ULK4: variants seen among roughly 807,000 people sequenced by gnomAD.
The protein encoded by ULK4 is inactive serine/threonine-protein kinase ULK4.
ULK4 carries 133 observed loss-of-function variants against 160.6 expected under a neutral mutation model. That is an observed-to-expected ratio of 0.83 (90% CI 0.72 to 0.96). ULK4 has a LOEUF of 0.96. Ranked by LOEUF, ULK4 falls within the 40% of genes least tolerant of loss-of-function variation. ULK4 has a pLI of 0.00. For missense variants in ULK4, 1,580 were observed against 1,499.5 expected (o/e 1.05, Z -0.89); for synonymous variants, 534 against 539.8 (o/e 0.99, Z 0.15).
intron 32 of ULK4, among the ~76,000 whole-genome samples, chr3:41,523,727 T>C (rs1328160481): frequency 2.0e-5 from 3 of 152,120 alleles, no homozygotes; most frequent in Non-Finnish European, 2.9e-5. Flanking sequence ...TGGCAGTTCT[T>C]CAAAAAAATT....
intron 33 of ULK4, among the ~76,000 whole-genome samples, chr3:41,459,788 G>T (rs2083640993): frequency 6.6e-6 from 1 of 152,132 alleles, no homozygotes; most frequent in Non-Finnish European, 1.5e-5. Context: ...TTACAAGATG[G>T]CAGTGCAACT....
intron 21 of ULK4, among the ~76,000 whole-genome samples, chr3:41,757,629 CAA>C (rs1197436719): frequency 4.7e-3 from 298 of 63,634 alleles, no homozygotes; most frequent in African/African-American, 0.015. Flanking sequence ...GAGACTCTCT[CAA>C]AAAAAAAAAA....
Position 41,376,911 on chromosome 3 carries a change from C to T in ULK4, c.3678+21168G>A, listed in dbSNP as rs529575646. ...TATGGAACCAAAAAAGAGCCCGCAT[C>T]GCCAAGTCAATCCTAAGCCAAAAGA... On this transcript the variant is annotated intron_variant, in intron 35 of 36. Coordinates refer to ENST00000301831, the MANE Select transcript of ULK4 (RefSeq NM_017886.4). Among the ~76,000 whole-genome samples the T allele has an allele frequency of 9.9e-4, 142 of 143,050 alleles. 8 individuals are homozygous for T. The highest frequency in any genetic ancestry group is 3.3e-3 in the African/African-American group (117 of 35,822). The allele number at this position is 143,050 out of a possible 152,430, so 93.8% of individuals were successfully genotyped here.
At chr3:41,682,743 C>T (rs981034327) in intron 27 of ULK4, among the ~76,000 whole-genome samples, 1 of 152,256 alleles carries the variant, frequency 6.6e-6, no homozygotes, top group Admixed American at 6.5e-5. Flanking sequence ...GATGTCACAT[C>T]ACTGAAAGCA....
intron 31 of ULK4, among the ~76,000 whole-genome samples, chr3:41,583,235 A>T (rs998139688): frequency 1.3e-5 from 2 of 152,176 alleles, no homozygotes; most frequent in African/African-American, 4.8e-5. Flanking sequence ...ATAGTAAGAA[A>T]ATTAAATCTA....
chr3:41,383,374 C>CA (rs1360480716), intron 35 of ULK4, among the ~76,000 whole-genome samples: 1 of 152,184 alleles, frequency 6.6e-6, no homozygotes, highest in African/African-American at 2.4e-5. Context: ...GCTAGGATTA[C>CA]AGGCATGAGC....
At chr3:41,676,092 C>G (rs1188295171) in intron 29 of ULK4, among the ~76,000 whole-genome samples, 3 of 152,154 alleles carry the variant, frequency 2.0e-5, no homozygotes, top group Non-Finnish European at 2.9e-5. Context: ...AACCCACGGA[C>G]ACTGTGGCAG....
chr3:41,920,679 T>C (rs1204610032), intron 5 of ULK4, among the ~76,000 whole-genome samples: 1 of 152,126 alleles, frequency 6.6e-6, no homozygotes, highest in Non-Finnish European at 1.5e-5. Context: ...AGGAAGAAAG[T>C]AATCTCCAAT....
At chr3:41,498,851 T>C (rs951873341) in intron 32 of ULK4, among the ~76,000 whole-genome samples, 7 of 152,182 alleles carry the variant, frequency 4.6e-5, no homozygotes, top group African/African-American at 7.2e-5. Context: ...CACCTCGGCT[T>C]CCCAAAGTGC....
intron 18 of ULK4, among the ~76,000 whole-genome samples, chr3:41,831,619 T>A (rs2041593421): frequency 6.6e-6 from 1 of 151,618 alleles, no homozygotes; most frequent in Non-Finnish European, 1.5e-5. Context: ...GCCAGAGTGG[T>A]TTGTTGTACC....
Position 41,307,693 on chromosome 3 carries a change from G to T in ULK4, c.3679-58119C>A, listed in dbSNP as rs180981042. On this transcript the variant is annotated intron_variant, in intron 35 of 36. Coordinates refer to ENST00000301831, the MANE Select transcript of ULK4 (RefSeq NM_017886.4). ...ATATTTTAAAAATTCAGCTGGGCGTGGTTGCAAGAGCCTATAGTCCTAGCC... is the reference window on the plus strand; with the variant it reads ...ATATTTTAAAAATTCAGCTGGGCGTTGTTGCAAGAGCCTATAGTCCTAGCC... Among the ~76,000 whole-genome samples, 485 of 152,170 alleles carry T rather than the reference G, an allele frequency of 3.2e-3. 3 individuals are homozygous for T. The highest frequency in any genetic ancestry group is 0.011 in the African/African-American group (455 of 41,526).
At chr3:41,493,801 C>A (rs1289526306) in intron 32 of ULK4, among the ~76,000 whole-genome samples, 6 of 144,418 alleles carry the variant, frequency 4.2e-5, no homozygotes, top group Admixed American at 7.0e-5. Flanking sequence ...CTACAAACAC[C>A]TCTACACAAA....
chr3:41,773,966 T>C (rs1331185987), intron 21 of ULK4, among the ~76,000 whole-genome samples: 2 of 152,116 alleles, frequency 1.3e-5, no homozygotes. Flanking sequence ...ACACAAGCAA[T>C]GGGAAAAGGA....
intron 35 of ULK4, among the ~76,000 whole-genome samples, chr3:41,269,235 T>G (rs2079098201): frequency 1.3e-5 from 2 of 152,144 alleles, no homozygotes; most frequent in South Asian, 4.1e-4. Flanking sequence ...CCCTTGTAAA[T>G]GGATAATTCC....
intron 34 of ULK4, among the ~76,000 whole-genome samples, chr3:41,405,864 T>C (rs1434634365): frequency 6.6e-6 from 1 of 152,168 alleles, no homozygotes; most frequent in East Asian, 1.9e-4. Context: ...TTTAAGTTCT[T>C]TACAGATTCT....
chr3:41,840,919 G>A (rs1275369084), intron 17 of ULK4, among the ~76,000 whole-genome samples: 2 of 151,194 alleles, frequency 1.3e-5, no homozygotes, highest in Non-Finnish European at 1.5e-5. Flanking sequence ...CACCCTGTCT[G>A]GGATGTGAGG....
chr3:41,713,213 G>A (rs1281306014), intron 25 of ULK4, among the ~76,000 whole-genome samples: 1 of 152,216 alleles, frequency 6.6e-6, no homozygotes, highest in East Asian at 1.9e-4. Flanking sequence ...CTAAGGGTCT[G>A]TAGAATGTTG....
At chr3:41,585,427 C>T (rs1328814124) in intron 31 of ULK4, among the ~76,000 whole-genome samples, 1 of 152,160 alleles carries the variant, frequency 6.6e-6, no homozygotes, top group East Asian at 1.9e-4. Context: ...ATGAGATACT[C>T]TTTTCAACAA....
intron 34 of ULK4, among the ~76,000 whole-genome samples, chr3:41,418,596 C>A (rs1008946509): frequency 6.6e-6 from 1 of 152,148 alleles, no homozygotes; most frequent in Non-Finnish European, 1.5e-5. Flanking sequence ...AACTCCCATG[C>A]CATGTAAAAA....
Sources: gnomAD v4.1 joint callset for allele counts (sites outside exome capture counted in the v4.1 genomes callset) on GRCh38, gnomAD v4.1.1 for gene constraint, MANE v1.5 for transcripts, NCBI Gene and HGNC (gene_info 2026-07-23, HGNC 2026-07-21) for gene names.